The following TCEANC2 variants were observed in gnomAD, a reference collection of about 807,000 sequenced individuals.
TCEANC2 encodes transcription elongation factor A N-terminal and central domain-containing protein 2.
Under a neutral mutation model 22.8 loss-of-function variants are expected in TCEANC2, and 20 were observed. The observed-to-expected ratio is 0.88, with a 90% CI of 0.62 to 1.28. TCEANC2 has a LOEUF of 1.28. Among genes scored for constraint, TCEANC2 ranks in the 50% most tolerant of loss-of-function variants. TCEANC2 has a pLI of 0.00. For missense variants in TCEANC2, 251 were observed against 249.7 expected (o/e 1.01, Z -0.03); for synonymous variants, 84 against 95.5 (o/e 0.88, Z 0.70).
At chr1:54,109,724 G>T (rs548908523), downstream of TCEANC2, among the ~76,000 whole-genome samples, 1 of 152,316 alleles carries the variant, frequency 6.6e-6, no homozygotes, top group East Asian at 1.9e-4. Context: ...CCAGGCAGGA[G>T]GCCAAGCCCT....
At chr1:54,071,625 A>T (rs1357349670) in intron 3 of TCEANC2, among the ~76,000 whole-genome samples, 2 of 152,232 alleles carry the variant, frequency 1.3e-5, no homozygotes, top group Non-Finnish European at 2.9e-5. Context: ...TTGGTCACAC[A>T]GACCAACGCC....
At chr1:54,063,652 G>A (rs577177990) in intron 2 of TCEANC2, among the ~76,000 whole-genome samples, 7 of 152,220 alleles carry the variant, frequency 4.6e-5, no homozygotes, top group African/African-American at 1.7e-4. Context: ...TGAATTTTTG[G>A]ATTAGGGATG....
chr1:54,069,046 T>G, intron 3 of TCEANC2, 149 bp downstream of exon 3: 1 of 895,212 alleles, frequency 1.1e-6, no homozygotes, highest in South Asian at 4.4e-5. Flanking sequence ...AAATTATCTG[T>G]TGGTTGCAGG....
rs1408193112 is a variant in TCEANC2, at chr1:54,068,813, C to A, written c.160C>A (p.Gln54Lys). ...GAAAACTATGCTGGAGCTTCCTGAT[C>A]AAACCAAAGAGAATCTTGTTGAAGC... ...RWKTMLELPD[Q>K]TKENLVEALQ... The change falls in exon 3 of 5, where the codon CAA becomes AAA. Residue 54 changes from glutamine to lysine, a missense_variant. Coordinates refer to ENST00000234827, the MANE Select transcript of TCEANC2 (RefSeq NM_153035.3). 6.2e-7 allele frequency: 1 copy of A among 1,612,136 alleles called. No homozygotes were observed. Among genetic ancestry groups the A allele is most frequent in the South Asian group, 1.1e-5 (1 of 90,528 alleles).
Position 54,104,486 on chromosome 1 carries a change from T to C in TCEANC2, c.*8013T>C. On this transcript the variant is annotated 3_prime_UTR_variant, in exon 5 of 5. Coordinates refer to ENST00000234827, the MANE Select transcript of TCEANC2 (RefSeq NM_153035.3). ...TTAAGCAATGGAGGGAAGGGAGGTA[T>C]ATCTTTGGTACTCAGTTGATTCACG... The C allele has an allele frequency of 5.0e-6, 2 of 397,728 alleles. No individual in the cohort carries two copies. Among genetic ancestry groups the C allele is most frequent in the Non-Finnish European group, 1.0e-5 (2 of 196,072 alleles). The allele number at this position is 397,728 out of a possible 1,614,324, so 24.6% of individuals were successfully genotyped here. A position where few individuals can be genotyped will look rare whatever the true frequency, so the allele number is the denominator to read the frequency against.
At chr1:54,057,650 T>C (rs2100352360) in intron 2 of TCEANC2, among the ~76,000 whole-genome samples, 1 of 152,228 alleles carries the variant, frequency 6.6e-6, no homozygotes, top group South Asian at 2.1e-4. Flanking sequence ...CCTTCCACTC[T>C]TACACCAGAG....
rs983314746 is a variant in TCEANC2 at position 54,100,381 on chromosome 1, G to T, written c.*3908G>T. 1 of 152,204 alleles carries T rather than the reference G, an allele frequency of 6.6e-6. No homozygotes were observed. Among genetic ancestry groups the T allele is most frequent in the Non-Finnish European group, 1.5e-5 (1 of 68,062 alleles). 9.4% of individuals were successfully genotyped at this position (152,204 alleles called of 1,614,324 possible). ...CTTCTGTGTGCCAAGGACTAGACTGGCACTGGGGACACAGCAATAAAGGAG... is the reference window on the plus strand; with the variant it reads ...CTTCTGTGTGCCAAGGACTAGACTGTCACTGGGGACACAGCAATAAAGGAG... On this transcript the variant is annotated 3_prime_UTR_variant, in exon 5 of 5. Coordinates refer to ENST00000234827, the MANE Select transcript of TCEANC2 (RefSeq NM_153035.3).
chr1:54,069,757 G>A lies in TCEANC2; in HGVS notation c.244+860G>A, dbSNP rs1658022900. Among the ~76,000 whole-genome samples, 6 of 152,158 alleles carry A rather than the reference G, an allele frequency of 3.9e-5. No individual in the cohort carries two copies. The South Asian group carries it at 1.2e-3, about 31-fold the overall frequency. ...AACAAGGTATATACTGGGGACTTCA[G>A]AAAAGGCTTCATAGAAGAGGTGACA... On this transcript the variant is annotated intron_variant, in intron 3 of 4. Transcript: ENST00000234827.
rs1658002365 is a variant in TCEANC2 at position 54,068,784 on chromosome 1, G to A, written c.131G>A (p.Arg44Lys). 6.2e-7 allele frequency: 1 copy of A among 1,607,650 alleles called. No homozygotes were observed. The highest frequency in any genetic ancestry group is 2.2e-5 in the East Asian group (1 of 44,778). ...KRVVVVEDIK[R>K]WKTMLELPDQ... ...GTTGTGGTTGTAGAAGACATAAAAA[G>A]ATGGAAAACTATGCTGGAGCTTCCT... Residue 44 changes from arginine to lysine, a missense_variant, in exon 3 of 5, where the codon AGA (arginine) becomes AAA (lysine). By Grantham distance (26) the Arg-to-Lys change is conservative (BLOSUM62 2). Transcript: ENST00000234827.
At chr1:54,091,588 C>T (rs948524206) in intron 4 of TCEANC2, among the ~76,000 whole-genome samples, 3 of 152,152 alleles carry the variant, frequency 2.0e-5, no homozygotes, top group Admixed American at 6.5e-5. Context: ...AATAATAACG[C>T]ACAGCCTAAA....
intron 2 of TCEANC2, among the ~76,000 whole-genome samples, chr1:54,064,579 A>T (rs1288997217): frequency 6.6e-6 from 1 of 151,916 alleles, no homozygotes; most frequent in Non-Finnish European, 1.5e-5. Context: ...ACAAAGTTAC[A>T]CCCTATGCAA....
downstream of TCEANC2, among the ~76,000 whole-genome samples, chr1:54,108,268 A>G (rs1447298478): frequency 6.6e-6 from 1 of 152,166 alleles, no homozygotes; most frequent in Non-Finnish European, 1.5e-5. Flanking sequence ...TCATCTAGCT[A>G]TGCATAGCCA....
downstream of TCEANC2, among the ~76,000 whole-genome samples, chr1:54,110,512 G>T (rs1479998368): frequency 6.6e-6 from 1 of 152,138 alleles, no homozygotes; most frequent in Non-Finnish European, 1.5e-5. Context: ...GCTGAAGTGG[G>T]AGGATTGCCT....
At chr1:54,072,478 C>A (rs1444236678) in intron 3 of TCEANC2, among the ~76,000 whole-genome samples, 1 of 151,994 alleles carries the variant, frequency 6.6e-6, no homozygotes, top group Non-Finnish European at 1.5e-5. Flanking sequence ...CTCACTACAA[C>A]CTCTGCCTCC....
intron 3 of TCEANC2, among the ~76,000 whole-genome samples, chr1:54,075,459 T>C (rs753959151): frequency 3.3e-5 from 5 of 152,174 alleles, no homozygotes; most frequent in Admixed American, 6.5e-5. Flanking sequence ...GTAATATGCA[T>C]GGCTAGAATG....
chr1:54,081,388 C>G (rs1389701526), intron 3 of TCEANC2, among the ~76,000 whole-genome samples: 1 of 152,032 alleles, frequency 6.6e-6, no homozygotes, highest in South Asian at 2.1e-4. Context: ...GCCACCATAC[C>G]CAGTCAATTC....
At chr1:54,090,618 A>G (rs1230245024) in intron 4 of TCEANC2, among the ~76,000 whole-genome samples, 2 of 152,104 alleles carry the variant, frequency 1.3e-5, no homozygotes, top group African/African-American at 4.8e-5. Flanking sequence ...GTGAATTGCT[A>G]TGCTGGAGGT....
chr1:54,056,264 A>G (rs1431203845), intron 2 of TCEANC2, among the ~76,000 whole-genome samples: 2 of 152,156 alleles, frequency 1.3e-5, no homozygotes, highest in African/African-American at 4.8e-5. Context: ...TGAACTACAT[A>G]TACACTCACC....
intron 2 of TCEANC2, among the ~76,000 whole-genome samples, chr1:54,061,010 G>A (rs920783832): frequency 2.6e-5 from 4 of 152,028 alleles, no homozygotes. Flanking sequence ...GCCCAAAGAA[G>A]GCTATGTGGC....
Sources: gnomAD v4.1 joint callset for allele counts (sites outside exome capture counted in the v4.1 genomes callset) on GRCh38, gnomAD v4.1.1 for gene constraint, MANE v1.5 for transcripts, NCBI Gene and HGNC (gene_info 2026-07-23, HGNC 2026-07-21) for gene names.